Variants in ASNS observed in about 807,000 individuals in gnomAD.
ASNS encodes asparagine synthetase (glutamine-hydrolyzing).
A neutral mutation model predicts 62.6 loss-of-function variants in ASNS; 37 were observed. That is an observed-to-expected ratio of 0.59 (90% CI 0.45 to 0.78). ASNS has a LOEUF of 0.78. Among genes scored for constraint, ASNS ranks in the 30% least tolerant of loss-of-function variants. The pLI is 0.00. For synonymous variants in ASNS, 207 were observed against 237.9 expected, an observed-to-expected ratio of 0.87 and a Z score of 1.19; for missense variants, 520 against 682.4, an observed-to-expected ratio of 0.76 and a Z score of 2.65.
intron 12 of ASNS, 148 bp downstream of exon 12, chr7:97,852,912 A>C: frequency 1.5e-6 from 1 of 678,248 alleles, no homozygotes; most frequent in East Asian, 3.0e-5. Flanking sequence ...TATCAGAGAG[A>C]TATCTGATGT....
chr7:97,907,692 C>T, the ASNS span, among the ~76,000 whole-genome samples: 7 of 151,124 alleles, frequency 4.6e-5, no homozygotes, highest in South Asian at 4.2e-4. Context: ...TGGTGTGAAC[C>T]CAGGAGGCAG....
At chr7:97,908,438 G>A in the ASNS span, 18 of 152,212 alleles carry the variant, frequency 1.2e-4, no homozygotes, top group African/African-American at 3.4e-4. Flanking sequence ...TTAAACAATC[G>A]TCACCCACAT....
the ASNS span, among the ~76,000 whole-genome samples, chr7:97,914,192 ATGGATGG>A: frequency 6.6e-6 from 1 of 151,336 alleles, no homozygotes; most frequent in Non-Finnish European, 1.5e-5. Flanking sequence ...GGATGGATGG[ATGGATGG>A]ATGGATGGAA....
the ASNS span, among the ~76,000 whole-genome samples, chr7:97,924,561 T>C: frequency 1.3e-5 from 2 of 152,328 alleles, no homozygotes; most frequent in Non-Finnish European, 2.9e-5. Flanking sequence ...GACAGCCAGC[T>C]CTGCAGGTCC....
At chr7:97,916,376 C>T in the ASNS span, among the ~76,000 whole-genome samples, 6 of 151,852 alleles carry the variant, frequency 4.0e-5, no homozygotes, top group Non-Finnish European at 7.4e-5. Flanking sequence ...AGTGAAACTC[C>T]GTCTCAAAAA....
the ASNS span, among the ~76,000 whole-genome samples, chr7:97,880,082 G>A: frequency 4.3e-4 from 66 of 151,752 alleles, no homozygotes; most frequent in South Asian, 0.011. Context: ...CCAGGACATC[G>A]TGAGCTTTCT....
chr7:97,916,441 T>C, the ASNS span, among the ~76,000 whole-genome samples: 1 of 152,156 alleles, frequency 6.6e-6, no homozygotes, highest in South Asian at 2.1e-4. Flanking sequence ...GAAAAGGTTT[T>C]CTTCCAAAGC....
At chr7:97,904,315 CACAGAG>C in the ASNS span, among the ~76,000 whole-genome samples, 45 of 146,110 alleles carry the variant, frequency 3.1e-4, no homozygotes, top group African/African-American at 7.7e-4. Context: ...CACACACACA[CACAGAG>C]AGAGAGAAAT....
chr7:97,855,041 A>G, intron 9 of ASNS: 1 of 377,510 alleles, frequency 2.6e-6, no homozygotes, highest in East Asian at 5.2e-5. Context: ...GCAGTGGTGC[A>G]ATCACAGCTC....
At chr7:97,857,888 T>A (rs913447729) in intron 7 of ASNS, among the ~76,000 whole-genome samples, 1 of 152,088 alleles carries the variant, frequency 6.6e-6, no homozygotes, top group Non-Finnish European at 1.5e-5. Flanking sequence ...AGTTTTTGTA[T>A]TTTTTTGTAG....
chr7:97,869,028 G>A lies in ASNS; in HGVS notation c.129C>T (p.Cys43=). 6.2e-7 allele frequency: 1 copy of A among 1,614,216 alleles called. No homozygotes were observed. Among genetic ancestry groups the A allele is most frequent in the African/African-American group, 1.3e-5 (1 of 75,060 alleles). Residue 43 remains cysteine, a synonymous_variant, in exon 3 of 13, where the codon TGC becomes TGT. Transcript: ENST00000394308. ...CCGCCAACCGGTGAAATCCAAAGCA[G>A]CAGTTGGTGTATCCATTGACATTCT... ...RFENVNGYTN[C]CFGFHRLAVV... is the part of the protein sequence containing the mutation.
chr7:97,903,934 T>C, the ASNS span, among the ~76,000 whole-genome samples: 1 of 152,174 alleles, frequency 6.6e-6, no homozygotes, highest in Non-Finnish European at 1.5e-5. Flanking sequence ...GCAGTATCAC[T>C]GTAGCAAGAA....
At chr7:97,911,821 C>T in the ASNS span, among the ~76,000 whole-genome samples, 237 of 152,028 alleles carry the variant, frequency 1.6e-3, 1 homozygote, top group Middle Eastern at 0.01. Context: ...CCAGCTCAGT[C>T]GACCCATGCG....
chr7:97,906,529 C>T, the ASNS span: 1 of 178,446 alleles, frequency 5.6e-6, no homozygotes, highest in East Asian at 1.7e-4. Context: ...TGAATATTTT[C>T]AAGGATTCTC....
In ASNS at chr7:97,856,758, A is replaced by G. The variant is rs1394999666; in HGVS notation, c.962T>C (p.Ile321Thr). 1 of 1,613,568 alleles carries G rather than the reference A, an allele frequency of 6.2e-7. No individual in the cohort carries two copies. The highest frequency in any genetic ancestry group is 8.5e-7 in the Non-Finnish European group (1 of 1,179,600). ...AAATATGACTTCATCCAGAGCCTGA[A>G]TGCCTTCCTCAGAGTTAAAAAGGAC... ...YEVLFNSEEG[I>T]QALDEVIFSL... Residue 321 changes from isoleucine to threonine, a missense_variant, in exon 8 of 13, where the codon ATT (isoleucine) becomes ACT (threonine). Physicochemically the swap from Ile to Thr is moderately conservative, Grantham distance 89. Coordinates refer to ENST00000394308, the MANE Select transcript of ASNS (RefSeq NM_001673.5).
intron 1 of ASNS, among the ~76,000 whole-genome samples, chr7:97,870,884 T>G (rs73396275): frequency 0.05 from 7,622 of 152,258 alleles, 597 homozygotes; most frequent in African/African-American, 0.17. Context: ...CAAAGAGGCA[T>G]GTAAAGTACA....
chr7:97,900,363 A>AAAAAAAAAAAAC, the ASNS span, among the ~76,000 whole-genome samples: 4 of 144,810 alleles, frequency 2.8e-5, no homozygotes, highest in African/African-American at 1.1e-4. Context: ...TTTGTCTCAA[A>AAAAAAAAAAAAC]AAAAAAAAAA....
At chr7:97,867,833 A>G (rs902163950) in intron 3 of ASNS, among the ~76,000 whole-genome samples, 1 of 152,224 alleles carries the variant, frequency 6.6e-6, no homozygotes, top group Non-Finnish European at 1.5e-5. Context: ...TGAGAAGACT[A>G]TTATTAAGAG....
chr7:97,872,978 A>T (rs1017409113), upstream of ASNS, among the ~76,000 whole-genome samples: 1 of 152,210 alleles, frequency 6.6e-6, no homozygotes, highest in Non-Finnish European at 1.5e-5. Flanking sequence ...GCAACTCAGG[A>T]GGCTGAGGCA....
Sources: allele counts gnomAD v4.1 joint callset (sites outside exome capture counted in the v4.1 genomes callset), GRCh38; gene constraint gnomAD v4.1.1; transcripts MANE v1.5; gene names NCBI Gene and HGNC (gene_info 2026-07-23, HGNC 2026-07-21).